The following RAI1 variants were observed in gnomAD, a reference collection of about 807,000 sequenced individuals.
RAI1 encodes retinoic acid-induced protein 1.
In RAI1, 9 loss-of-function variants were observed where a neutral mutation model predicts 123.8. The ratio of observed to expected loss-of-function variants is 0.07; its 90% CI spans 0.04 to 0.13. The LOEUF is 0.13. Ranked by LOEUF, RAI1 falls within the 10% of genes least tolerant of loss-of-function variation. RAI1 has a pLI of 1.00. For missense variants in RAI1, 2,256 were observed against 2,545.8 expected (o/e 0.89, Z 2.45); for synonymous variants, 1,231 against 1,127.3 (o/e 1.09, Z -1.84).
intron 2 of RAI1, among the ~76,000 whole-genome samples, chr17:17,758,164 G>A (rs193009235): frequency 8.5e-5 from 13 of 152,326 alleles, no homozygotes; most frequent in Admixed American, 7.8e-4. Context: ...ACCAAGACTC[G>A]GTGGTGGAGC....
intron 2 of RAI1, among the ~76,000 whole-genome samples, chr17:17,782,729 G>C (rs1199688582): frequency 6.6e-6 from 1 of 151,984 alleles, no homozygotes; most frequent in Non-Finnish European, 1.5e-5. Flanking sequence ...TGGAGGAAGA[G>C]GTCTCGGCCT....
chr17:17,693,613 C>T (rs1346640822), intron 1 of RAI1, among the ~76,000 whole-genome samples: 2 of 152,212 alleles, frequency 1.3e-5, no homozygotes, highest in Admixed American at 6.5e-5. Flanking sequence ...CTGCAATGGC[C>T]GCCCCTCCTT....
At chr17:17,772,641 T>G (rs888659863) in intron 2 of RAI1, among the ~76,000 whole-genome samples, 2 of 152,182 alleles carry the variant, frequency 1.3e-5, no homozygotes, top group Non-Finnish European at 2.9e-5. Flanking sequence ...CCTTCCAGGC[T>G]TTTCCTCTTT....
At chr17:17,778,872 G>A (rs776754368) in intron 2 of RAI1, 2 of 456,712 alleles carry the variant, frequency 4.4e-6, no homozygotes, top group Non-Finnish European at 8.8e-6. Flanking sequence ...CAAGAGGGAG[G>A]GAGTTCTGGA....
rs577924756 is a variant in RAI1, at chr17:17,685,080, C to T, written c.-149+3287C>T. 3.5e-4 allele frequency: 54 copies of T among 152,398 alleles called. No individual in the cohort carries two copies. The highest frequency in any genetic ancestry group is 1.3e-3 in the African/African-American group (52 of 41,596). The allele number at this position is 152,398 out of a possible 1,614,324, so 9.4% of individuals were successfully genotyped here. A position where few individuals can be genotyped will look rare whatever the true frequency, so the allele number is the denominator to read the frequency against. The stretch of plus-strand genomic sequence containing the variant: ...TGTATTGTTATTGCTGTTCTATCTC[C>T]ATGGCAGCCCATGTTTGAAATGCAT... On this transcript the variant is annotated intron_variant, in intron 1 of 5. Transcript: ENST00000353383. This position sits in a 1 kb window ranked among gnomAD's most constrained non-coding sequence, Gnocchi z 4.0.
chr17:17,793,602 C>G lies in RAI1; in HGVS notation c.654C>G (p.Thr218=). 1.2e-6 allele frequency: 2 copies of G among 1,613,674 alleles called. No individual in the cohort carries two copies. Among genetic ancestry groups the G allele is most frequent in the Non-Finnish European group, 1.7e-6 (2 of 1,180,006 alleles). Residue 218 remains threonine, a synonymous_variant, in exon 3 of 6, where the codon ACC becomes ACG. Transcript: ENST00000353383. ...CTCAGCATTCCCAGTCCTTCCCCAC[C>G]TCCTCCACCTACTCCTCCTCTGTCC... The part of the protein sequence containing the change: ...HFPQHSQSFP[T]SSTYSSSVQG...
rs1598086719 is a variant in RAI1, at chr17:17,793,091, A to C, written c.143A>C (p.Lys48Thr). ...TGCGACCGGCAGCGGCTGCTCGCCA[A>C]GGACTATTATAACCCGCAGCCTTAC... ...LSCDRQRLLA[K>T]DYYNPQPYPS... Residue 48 changes from lysine (K) to threonine (T), a missense_variant, in exon 3 of 6, where the codon AAG becomes ACG. Lys to Thr is a moderately conservative substitution (Grantham distance 78). Around this residue, in one of 7 missense-constraint regions of RAI1, gnomAD observed 336 missense variants for 349.8 expected, o/e 0.96. Coordinates refer to ENST00000353383, the MANE Select transcript of RAI1 (RefSeq NM_030665.4). 1.9e-6 allele frequency: 3 copies of C among 1,614,138 alleles called. No homozygotes were observed. The highest frequency in any genetic ancestry group is 2.5e-6 in the Non-Finnish European group (3 of 1,180,026).
rs1182160262 is a variant in RAI1 at position 17,797,965 on chromosome 17, G to T, written c.5017G>T (p.Gly1673Trp). ...GCCCCTCTCCTCCACGATGCACTTG[G>T]GGCCTGTGGTTTCCAAGGCCCTGAG... Reference protein sequence around the residue: ...SLPLSSTMHLGPVVSKALSTS... With the variant: ...SLPLSSTMHLWPVVSKALSTS... Residue 1673 changes from glycine (G) to tryptophan (W), a missense_variant, in exon 3 of 6, where the codon GGG becomes TGG. This residue lies in a region of RAI1 where 243 missense variants were observed against 316.6 expected (regional missense o/e 0.77). Coordinates refer to ENST00000353383, the MANE Select transcript of RAI1 (RefSeq NM_030665.4). 6.2e-7 allele frequency: 1 copy of T among 1,613,992 alleles called. No homozygotes were observed. The highest frequency in any genetic ancestry group is 8.5e-7 in the Non-Finnish European group (1 of 1,179,998).
intron 1 of RAI1, among the ~76,000 whole-genome samples, chr17:17,687,498 G>A (rs558640294): frequency 7.9e-5 from 12 of 152,274 alleles, no homozygotes; most frequent in South Asian, 2.1e-4. Context: ...ATGGTCAGGG[G>A]GCTTGAGGGA....
chr17:17,748,400 C>T (rs572218011), intron 2 of RAI1, among the ~76,000 whole-genome samples: 2 of 152,320 alleles, frequency 1.3e-5, no homozygotes, highest in East Asian at 1.9e-4. Context: ...GGTGCTGCTC[C>T]GAGAAGGTTG....
intron 1 of RAI1, among the ~76,000 whole-genome samples, chr17:17,703,267 C>T (rs866514875): frequency 7.0e-4 from 106 of 152,182 alleles, no homozygotes; most frequent in African/African-American, 2.5e-3. Flanking sequence ...AGGAGGACAG[C>T]CGCGCCCCCT....
At chr17:17,742,213 C>A (rs4925107) in intron 2 of RAI1, among the ~76,000 whole-genome samples, 5,590 of 152,316 alleles carry the variant, frequency 0.037, 343 homozygotes, top group African/African-American at 0.12. Context: ...TGCCACATGG[C>A]TTTGCCCTGC....
At chr17:17,756,987 G>A (rs1364315297) in intron 2 of RAI1, among the ~76,000 whole-genome samples, 2 of 152,224 alleles carry the variant, frequency 1.3e-5, no homozygotes, top group Non-Finnish European at 2.9e-5. Flanking sequence ...GCAGCCCCCA[G>A]AGGGTGCTGA....
intron 2 of RAI1, among the ~76,000 whole-genome samples, chr17:17,792,329 G>A (rs978779888): frequency 1.3e-5 from 2 of 152,020 alleles, no homozygotes; most frequent in Non-Finnish European, 2.9e-5. Context: ...GTGTGTGTGT[G>A]TGCGCGCGTG....
intron 2 of RAI1, among the ~76,000 whole-genome samples, chr17:17,745,447 T>C (rs2029883636): frequency 6.6e-6 from 1 of 151,922 alleles, no homozygotes; most frequent in Admixed American, 6.6e-5. Flanking sequence ...TTGTTTTTGT[T>C]TTTTTTGAGA....
In RAI1 at chr17:17,811,375, T is replaced by TAA. The variant is rs780654029; in HGVS notation, c.*1395_*1396dup. 8.8e-6 allele frequency: 2 copies of TAA among 228,270 alleles called. No individual in the cohort carries two copies. Among genetic ancestry groups the TAA allele is most frequent in the East Asian group, 1.6e-4 (1 of 6,380 alleles). 14.1% of individuals were successfully genotyped at this position (228,270 alleles called of 1,614,324 possible). ...GTTTCTAAAAGATGTTTATTTTCCT[T>TAA]AAGAGTAAAAAACAGTCATTGCATT... On this transcript the variant is annotated 3_prime_UTR_variant, in exon 6 of 6. Coordinates refer to ENST00000353383, the MANE Select transcript of RAI1 (RefSeq NM_030665.4).
At chr17:17,704,138 G>A (rs928271268) in intron 1 of RAI1, among the ~76,000 whole-genome samples, 35 of 152,230 alleles carry the variant, frequency 2.3e-4, no homozygotes, top group Non-Finnish European at 8.8e-5. Flanking sequence ...AGTGGAGTGC[G>A]TGTGCTCACC....
chr17:17,711,485 G>A (rs781234568), intron 1 of RAI1, among the ~76,000 whole-genome samples: 1 of 152,214 alleles, frequency 6.6e-6, no homozygotes, highest in African/African-American at 2.4e-5. Context: ...AAGGGCCTAC[G>A]GCATGCTGGA....
chr17:17,763,051 G>GA (rs74581530), intron 2 of RAI1, among the ~76,000 whole-genome samples: 69,684 of 143,688 alleles, frequency 0.48, 17,854 homozygotes, highest in Non-Finnish European at 0.61. Context: ...GGCTTTTCTG[G>GA]AAAAAAAAAA....
Sources: allele counts gnomAD v4.1 joint callset (sites outside exome capture counted in the v4.1 genomes callset), GRCh38; gene constraint gnomAD v4.1.1; regional missense constraint gnomAD v4.1.1; non-coding constraint Gnocchi (gnomAD v3.1); transcripts MANE v1.5; gene names NCBI Gene and HGNC (gene_info 2026-07-23, HGNC 2026-07-21).